Variants in DOCK2 observed in about 807,000 individuals in gnomAD.
The protein encoded by DOCK2 is dedicator of cytokinesis 2, also known as dedicator of cytokinesis protein 2.
Under a neutral mutation model 248.9 loss-of-function variants are expected in DOCK2, and 87 were observed. That is an observed-to-expected ratio of 0.35 (90% CI 0.29 to 0.42). DOCK2 has a LOEUF of 0.42. Among genes scored for constraint, DOCK2 ranks in the 10% least tolerant of loss-of-function variants. The pLI is 1.00. For missense variants in DOCK2, 1,747 were observed against 2,300.2 expected (o/e 0.76, Z 4.92); for synonymous variants, 805 against 821.6 (o/e 0.98, Z 0.35).
intron 27 of DOCK2, among the ~76,000 whole-genome samples, chr5:169,943,635 A>T (rs978913399): frequency 6.6e-6 from 1 of 152,164 alleles, no homozygotes; most frequent in Non-Finnish European, 1.5e-5. Context: ...GCCTGGCCTC[A>T]TCAGGCATTA....
chr5:169,970,745 G>A (rs1247580745), intron 27 of DOCK2, among the ~76,000 whole-genome samples: 4 of 152,206 alleles, frequency 2.6e-5, no homozygotes, highest in Non-Finnish European at 5.9e-5. Flanking sequence ...AATCAGTCCA[G>A]ACAACTGTGA....
Position 169,674,412 on chromosome 5 carries a change from A to G in DOCK2, c.437A>G (p.Gln146Arg). Residue 146 changes from glutamine to arginine, a missense_variant, in exon 6 of 52, where the codon CAG (glutamine) becomes CGG (arginine). Coordinates refer to ENST00000520908, the MANE Select transcript of DOCK2 (RefSeq NM_004946.3). ...AAGGATGAGCTGAAGGAACTGAAGC[A>G]GAAAGTCACGTCCAAAATTGACTAT... The part of the protein sequence containing the change: ...LPKDELKELK[Q>R]KVTSKIDYGN... 6.2e-7 allele frequency: 1 copy of G among 1,614,194 alleles called. No homozygotes were observed. Among genetic ancestry groups the G allele is most frequent in the Non-Finnish European group, 8.5e-7 (1 of 1,179,996 alleles).
Position 169,674,365 on chromosome 5 carries a change from G to A in DOCK2, c.390G>A (p.Gln130=), listed in dbSNP as rs1275029925. Residue 130 remains glutamine, a synonymous_variant, in exon 6 of 52, where the codon CAG becomes CAA. Coordinates refer to ENST00000520908, the MANE Select transcript of DOCK2 (RefSeq NM_004946.3). The part of the protein sequence containing the change: ...MMYDLMEWRS[Q]LLSGTLPKDE... ...ACGATCTGATGGAGTGGAGGTCCCA[G>A]CTTCTCTCAGGAACCTTACCCAAGG... is the stretch of plus-strand genomic sequence containing the variant. 3 of 1,614,076 alleles carry A rather than the reference G, an allele frequency of 1.9e-6. No homozygotes were observed. The African/African-American group carries it at 4.0e-5, about 22-fold the overall frequency.
At chr5:169,760,570 A>C (rs942476138) in intron 24 of DOCK2, among the ~76,000 whole-genome samples, 1 of 152,198 alleles carries the variant, frequency 6.6e-6, no homozygotes, top group Admixed American at 6.5e-5. Context: ...GCTCCTTCTC[A>C]TCCTTCAGAC....
chr5:169,898,253 G>C (rs1460465952), intron 27 of DOCK2, among the ~76,000 whole-genome samples: 1 of 152,160 alleles, frequency 6.6e-6, no homozygotes, highest in Non-Finnish European at 1.5e-5. Context: ...TGGCTGCCAT[G>C]GTCTCCTTTC....
chr5:170,077,692 C>G lies in DOCK2; in HGVS notation c.4867-18C>G, dbSNP rs753850000. ...TCCCCAGGCTACAGCTGCTAACCAC[C>G]CTGTTCTCCCACCACAGCCTGACTT... On this transcript the variant is annotated intron_variant, in intron 47 of 51. Transcript: ENST00000520908. 6.2e-7 allele frequency: 1 copy of G among 1,613,146 alleles called. No individual in the cohort carries two copies.
chr5:169,641,727 C>T (rs2113087463), intron 1 of DOCK2, among the ~76,000 whole-genome samples: 1 of 152,298 alleles, frequency 6.6e-6, no homozygotes, highest in East Asian at 1.9e-4. Context: ...TCTCCTTTCT[C>T]TCCCCACCAC....
chr5:169,662,608 T>C (rs1758505370), intron 2 of DOCK2, among the ~76,000 whole-genome samples: 1 of 152,084 alleles, frequency 6.6e-6, no homozygotes, highest in African/African-American at 2.4e-5. Context: ...AAAATCATGG[T>C]GGAAGATGAA....
At chr5:169,855,937 C>T (rs1384056802) in intron 27 of DOCK2, among the ~76,000 whole-genome samples, 1 of 152,128 alleles carries the variant, frequency 6.6e-6, no homozygotes, top group Non-Finnish European at 1.5e-5. Flanking sequence ...CCTCAGGAAA[C>T]TTACAATCAT....
chr5:169,762,976 GT>G (rs1239267998), intron 25 of DOCK2, among the ~76,000 whole-genome samples: 1 of 152,190 alleles, frequency 6.6e-6, no homozygotes, highest in Non-Finnish European at 1.5e-5. Flanking sequence ...CAAAATTGCT[GT>G]CTGTATCCTC....
At chr5:169,641,582 G>C (rs997419343) in intron 1 of DOCK2, among the ~76,000 whole-genome samples, 1 of 152,178 alleles carries the variant, frequency 6.6e-6, no homozygotes, top group Admixed American at 6.5e-5. Context: ...GTGTATTTTA[G>C]GGTCAGAGGA....
intron 25 of DOCK2, among the ~76,000 whole-genome samples, chr5:169,780,333 G>GA (rs146049802): frequency 0.13 from 19,124 of 145,078 alleles, 1,521 homozygotes; most frequent in Non-Finnish European, 0.18. Flanking sequence ...GTGTGTGTGT[G>GA]TGTGTGTTGA....
intron 27 of DOCK2, among the ~76,000 whole-genome samples, chr5:169,978,067 C>G (rs1429710760): frequency 6.6e-6 from 1 of 152,144 alleles, no homozygotes; most frequent in Non-Finnish European, 1.5e-5. Flanking sequence ...TCCTTCATCT[C>G]CTCTCACTGG....
At chr5:169,829,317 T>A (rs1319458605) in intron 26 of DOCK2, among the ~76,000 whole-genome samples, 3 of 152,220 alleles carry the variant, frequency 2.0e-5, no homozygotes, top group African/African-American at 7.2e-5. Flanking sequence ...CATTCAGTAA[T>A]TTTCTGACCA....
At chr5:169,849,564 AT>A (rs1258733771) in intron 27 of DOCK2, among the ~76,000 whole-genome samples, 2 of 152,264 alleles carry the variant, frequency 1.3e-5, no homozygotes, top group Admixed American at 1.3e-4. Context: ...ATGGCACAGA[AT>A]TTTTGGTGGT....
chr5:169,642,482 G>A (rs1046387515), intron 1 of DOCK2, among the ~76,000 whole-genome samples: 27 of 152,226 alleles, frequency 1.8e-4, no homozygotes, highest in African/African-American at 6.5e-4. Context: ...CCTCTCAGGA[G>A]CAATGGGGAA....
intron 30 of DOCK2, among the ~76,000 whole-genome samples, chr5:170,003,379 T>C (rs565170924): frequency 1.4e-4 from 21 of 152,350 alleles, no homozygotes; most frequent in Non-Finnish European, 2.8e-4. Flanking sequence ...ACATGTGCTC[T>C]TGACTACCAG....
chr5:169,878,437 G>T (rs1772452815), intron 27 of DOCK2, among the ~76,000 whole-genome samples: 1 of 152,136 alleles, frequency 6.6e-6, no homozygotes, highest in Admixed American at 6.6e-5. Context: ...GTATTTAAAA[G>T]GACTAGTTTT....
At chr5:169,809,526 T>C (rs950994818) in intron 26 of DOCK2, among the ~76,000 whole-genome samples, 1 of 152,352 alleles carries the variant, frequency 6.6e-6, no homozygotes, top group Admixed American at 6.5e-5. Context: ...GACTTCCTTG[T>C]CTGTGTTTTC....
Sources: gnomAD v4.1 joint callset for allele counts (sites outside exome capture counted in the v4.1 genomes callset) on GRCh38, gnomAD v4.1.1 for gene constraint, MANE v1.5 for transcripts, NCBI Gene and HGNC (gene_info 2026-07-23, HGNC 2026-07-21) for gene names.